The following NPLOC4 variants were observed in gnomAD, a reference collection of about 807,000 sequenced individuals.
NPLOC4 encodes the protein NPL4 homolog, ubiquitin recognition factor.
Under a neutral mutation model 80.6 loss-of-function variants are expected in NPLOC4, and 18 were observed. That is an observed-to-expected ratio of 0.22 (90% CI 0.15 to 0.33). The LOEUF is 0.33. Ranked by LOEUF, NPLOC4 falls within the 10% of genes least tolerant of loss-of-function variation. NPLOC4 has a pLI of 1.00. For missense variants in NPLOC4, 540 were observed against 786.1 expected, an observed-to-expected ratio of 0.69 and a Z score of 3.74; for synonymous variants, 313 against 301.5, an observed-to-expected ratio of 1.04 and a Z score of -0.39.
At chr17:81,597,175 T>C in intron 10 of NPLOC4, 70 bp downstream of exon 10, 1 of 1,115,338 alleles carries the variant, frequency 9.0e-7, no homozygotes, top group Non-Finnish European at 1.4e-6. Context: ...AAAGAGACCC[T>C]GATAATGCAG....
intron 11 of NPLOC4, among the ~76,000 whole-genome samples, chr17:81,594,573 A>C (rs1055172468): frequency 1.3e-5 from 2 of 152,008 alleles, no homozygotes; most frequent in Non-Finnish European, 2.9e-5. Flanking sequence ...CAGGAGATCG[A>C]GACCATCCTG....
intron 13 of NPLOC4, among the ~76,000 whole-genome samples, chr17:81,569,368 G>C (rs2034096991): frequency 1.3e-5 from 2 of 152,210 alleles, no homozygotes; most frequent in Non-Finnish European, 2.9e-5. Flanking sequence ...CTCGACGTCG[G>C]ACAAAAAGGG....
At chr17:81,586,241 T>TG (rs2034579233) in intron 12 of NPLOC4, among the ~76,000 whole-genome samples, 1 of 152,174 alleles carries the variant, frequency 6.6e-6, no homozygotes, top group Non-Finnish European at 1.5e-5. Flanking sequence ...GATGAGGGTC[T>TG]GGCAGAGACT....
intron 7 of NPLOC4, 77 bp downstream of exon 7, chr17:81,606,609 GCATTC>G (rs2035210520): frequency 6.8e-7 from 1 of 1,467,800 alleles, no homozygotes; most frequent in South Asian, 1.2e-5. Context: ...AGTGCTAATA[GCATTC>G]CACTCCAAGG....
chr17:81,618,055 C>T (rs1196454290), intron 3 of NPLOC4, among the ~76,000 whole-genome samples: 1 of 152,202 alleles, frequency 6.6e-6, no homozygotes. Context: ...AGTGCCGAGA[C>T]TGCAGCCTCT....
intron 16 of NPLOC4, chr17:81,561,645 T>G (rs1371317256): frequency 6.6e-6 from 1 of 152,196 alleles, no homozygotes; most frequent in Non-Finnish European, 1.5e-5. Context: ...TGGAGTGGTA[T>G]AATCATGGCT....
At chr17:81,636,119 G>A (rs1006583978) in intron 1 of NPLOC4, among the ~76,000 whole-genome samples, 2 of 151,962 alleles carry the variant, frequency 1.3e-5, no homozygotes, top group African/African-American at 2.4e-5. Context: ...ATTACAGTGC[G>A]CCATGACGCC....
intron 2 of NPLOC4, among the ~76,000 whole-genome samples, chr17:81,624,357 G>A (rs1485259448): frequency 2.0e-5 from 3 of 152,194 alleles, no homozygotes; most frequent in Non-Finnish European, 4.4e-5. Flanking sequence ...GGCAGAGGTT[G>A]CAGTGAGCCA....
At chr17:81,626,148 CAA>C (rs1159898008) in intron 2 of NPLOC4, among the ~76,000 whole-genome samples, 31 of 88,402 alleles carry the variant, frequency 3.5e-4, no homozygotes, top group East Asian at 3.4e-4. Context: ...GACTTCATCT[CAA>C]AAAAAAAAAA....
chr17:81,592,742 T>C (rs1331022076), intron 11 of NPLOC4, among the ~76,000 whole-genome samples: 2 of 152,138 alleles, frequency 1.3e-5, no homozygotes, highest in East Asian at 1.9e-4. Context: ...CCAGGACTTT[T>C]TGAGGCCGAG....
intron 12 of NPLOC4, among the ~76,000 whole-genome samples, chr17:81,576,320 G>A (rs1282527821): frequency 1.3e-5 from 2 of 152,204 alleles, no homozygotes; most frequent in African/African-American, 4.8e-5. Flanking sequence ...TGCACAACGC[G>A]GGTTTGAACT....
chr17:81,602,079 T>A (rs1014022130), intron 8 of NPLOC4, among the ~76,000 whole-genome samples: 4 of 152,008 alleles, frequency 2.6e-5, no homozygotes, highest in East Asian at 1.9e-4. Context: ...CGTGCATGCA[T>A]GCGTGTGTGT....
At chr17:81,607,394 A>C (rs1369698915) in intron 6 of NPLOC4, among the ~76,000 whole-genome samples, 2 of 107,280 alleles carry the variant, frequency 1.9e-5, no homozygotes, top group Admixed American at 9.2e-5. Context: ...TATAACTGAC[A>C]AAAAAAAAAA....
chr17:81,629,697 T>C (rs754667635), intron 2 of NPLOC4, 28 bp downstream of exon 2: 7 of 1,528,074 alleles, frequency 4.6e-6, no homozygotes, highest in Middle Eastern at 1.7e-4. Flanking sequence ...AAAAATATCC[T>C]GAGGGTCAAT....
At chr17:81,598,714 G>A (rs933540292) in intron 9 of NPLOC4, among the ~76,000 whole-genome samples, 1 of 152,106 alleles carries the variant, frequency 6.6e-6, no homozygotes, top group Non-Finnish European at 1.5e-5. Flanking sequence ...AGCCCGTCAC[G>A]AGGCCACAGG....
chr17:81,591,776 C>A (rs980342067), intron 11 of NPLOC4, among the ~76,000 whole-genome samples: 16 of 152,164 alleles, frequency 1.1e-4, no homozygotes, highest in African/African-American at 3.9e-4. Context: ...TCAGGAAATC[C>A]CTACGTGGGA....
rs115485207 is a variant in NPLOC4 at position 81,568,975 on chromosome 17, G to A, written c.1449+41C>T. Reference sequence around the variant, plus strand: ...CAATACTGACACTAGATAACAATCAGCAGTTACCTTAAATTATGTTTCTAA... The same window carrying A: ...CAATACTGACACTAGATAACAATCAACAGTTACCTTAAATTATGTTTCTAA... On this transcript the variant is annotated intron_variant, in intron 14 of 16. Coordinates refer to ENST00000331134, the MANE Select transcript of NPLOC4 (RefSeq NM_017921.4). 5.3e-3 allele frequency: 6,407 copies of A among 1,198,944 alleles called. 265 individuals are homozygous for A. In the African/African-American group the frequency reaches 0.085, roughly 16 times the overall value. 74.3% of individuals were successfully genotyped at this position (1,198,944 alleles called of 1,614,324 possible).
chr17:81,621,052 AAAGG>A lies in NPLOC4; in HGVS notation c.209+1110_209+1113del, dbSNP rs758677465. On this transcript the variant is annotated intron_variant, in intron 3 of 16. Coordinates refer to ENST00000331134, the MANE Select transcript of NPLOC4 (RefSeq NM_017921.4). ...AAAGGAAAGAAAGGAAAAGGAAAAG[AAAGG>A]AAGGAAGGAAGGAAGTATCAAGATG... Among the ~76,000 whole-genome samples the A allele has an allele frequency of 2.3e-3, 347 of 152,006 alleles. 5 individuals carry two copies. Among genetic ancestry groups the A allele is most frequent in the African/African-American group, 7.8e-3 (324 of 41,450 alleles).
chr17:81,632,253 G>A (rs906496404), intron 1 of NPLOC4, among the ~76,000 whole-genome samples: 7 of 151,972 alleles, frequency 4.6e-5, no homozygotes, highest in African/African-American at 1.7e-4. Context: ...GGGATTATAG[G>A]CATGAGCCAC....
Sources: allele counts gnomAD v4.1 joint callset (sites outside exome capture counted in the v4.1 genomes callset), GRCh38; gene constraint gnomAD v4.1.1; transcripts MANE v1.5; gene names NCBI Gene and HGNC (gene_info 2026-07-23, HGNC 2026-07-21).